Variants in ADD3 observed in about 807,000 individuals in gnomAD.
The protein encoded by ADD3 is adducin 3.
ADD3 carries 25 observed loss-of-function variants against 80.2 expected under a neutral mutation model. That is an observed-to-expected ratio of 0.31 (90% confidence interval 0.23 to 0.44). ADD3 has a LOEUF of 0.44. Ranked by LOEUF, ADD3 falls within the 20% of genes least tolerant of loss-of-function variation. ADD3 has a pLI of 1.00. For synonymous variants in ADD3, 284 were observed against 289.6 expected (o/e 0.98, Z 0.20); for missense variants, 829 against 847.5 (o/e 0.98, Z 0.27).
At chr10:110,041,152 C>A (rs1856310391) in intron 1 of ADD3, among the ~76,000 whole-genome samples, 1 of 152,140 alleles carries the variant, frequency 6.6e-6, no homozygotes, top group Non-Finnish European at 1.5e-5. Context: ...GAACAGCAGA[C>A]CACAGCAGGA....
intron 1 of ADD3, among the ~76,000 whole-genome samples, chr10:110,072,107 G>A (rs911719571): frequency 5.3e-5 from 8 of 152,150 alleles, no homozygotes; most frequent in Non-Finnish European, 1.0e-4. Context: ...TGTCACCCAG[G>A]CTGGAGCGCA....
At position 110,116,398 on chromosome 10, in the gene ADD3, T is replaced by A; in HGVS notation, c.474T>A (p.Asn158Lys). The A allele has an allele frequency of 6.2e-7, 1 of 1,613,800 alleles. No homozygotes were observed. The highest frequency in any genetic ancestry group is 8.5e-7 in the Non-Finnish European group (1 of 1,179,912). Residue 158 changes from asparagine (N) to lysine (K), a missense_variant, in exon 4 of 15, where the codon AAT (asparagine) becomes AAA (lysine). Coordinates refer to ENST00000356080, the MANE Select transcript of ADD3 (RefSeq NM_016824.5). ...VDLFGWAHLA[N>K]TYISVRISKE... ...TGTTTGGATGGGCACACCTGGCAAATACCTATATCTCAGTGAGTTCTTCAG... is the reference window on the plus strand; with the variant it reads ...TGTTTGGATGGGCACACCTGGCAAAAACCTATATCTCAGTGAGTTCTTCAG...
At chr10:110,020,170 T>C (rs915293737) in intron 1 of ADD3, among the ~76,000 whole-genome samples, 15 of 152,226 alleles carry the variant, frequency 9.9e-5, no homozygotes, top group Non-Finnish European at 2.9e-5. Context: ...GTGCATCCTT[T>C]ATTCATTTAT....
At chr10:110,079,815 G>A (rs1358065138) in intron 1 of ADD3, among the ~76,000 whole-genome samples, 29 of 152,084 alleles carry the variant, frequency 1.9e-4, no homozygotes, top group Admixed American at 7.2e-4. Flanking sequence ...TGCTGGGATT[G>A]CAGGCGTGAG....
chr10:110,020,281 A>T (rs1853518933), intron 1 of ADD3, among the ~76,000 whole-genome samples: 1 of 152,198 alleles, frequency 6.6e-6, no homozygotes, highest in South Asian at 2.1e-4. Context: ...TCCTGCCCTA[A>T]TGCAGTTTAT....
intron 4 of ADD3, 80 bp downstream of exon 4, chr10:110,116,490 A>T (rs1305877564): frequency 6.9e-7 from 1 of 1,445,544 alleles, no homozygotes; most frequent in Non-Finnish European, 9.5e-7. Context: ...TTTACCTGGA[A>T]GTCCAGTTTT....
intron 1 of ADD3, among the ~76,000 whole-genome samples, chr10:110,064,522 GT>G (rs1843668356): frequency 6.6e-6 from 1 of 152,236 alleles, no homozygotes; most frequent in African/African-American, 2.4e-5. Context: ...TACATACTGG[GT>G]TTTTGGATGT....
rs1848714129 is a variant in ADD3, at chr10:110,100,693, C to T, written c.40C>T (p.Pro14Ser). 2.5e-6 allele frequency: 4 copies of T among 1,613,160 alleles called. No individual in the cohort carries two copies. The highest frequency in any genetic ancestry group is 3.4e-6 in the Non-Finnish European group (4 of 1,179,650). Reference protein sequence around the residue: ...DASQGVITTPPPPSMPHKERY... With the variant: ...DASQGVITTPSPPSMPHKERY... ...CAGCCAAGGCGTGATTACCACTCCT[C>T]CTCCTCCCAGCATGCCTCACAAAGA... Residue 14 changes from proline to serine, a missense_variant, in exon 2 of 15, where the codon CCT becomes TCT. Transcript: ENST00000356080.
At chr10:110,071,106 A>G (rs1844645458) in intron 1 of ADD3, among the ~76,000 whole-genome samples, 1 of 152,012 alleles carries the variant, frequency 6.6e-6, no homozygotes, top group South Asian at 2.1e-4. Flanking sequence ...AAATTTCCCA[A>G]GATTAAAAAA....
At chr10:110,054,427 A>G in intron 1 of ADD3, among the ~76,000 whole-genome samples, 1 of 143,866 alleles carries the variant, frequency 7.0e-6, no homozygotes, top group East Asian at 2.1e-4. Context: ...CTTGGGAGAA[A>G]GCCAGTTTTC....
intron 11 of ADD3, among the ~76,000 whole-genome samples, 190 bp from the exon 12 acceptor site, chr10:110,126,227 A>T (rs1055770256): frequency 4.6e-5 from 7 of 152,232 alleles, no homozygotes; most frequent in Non-Finnish European, 8.8e-5. Flanking sequence ...GAAAGGAAAT[A>T]ACTTGCCATA....
chr10:110,025,807 G>T (rs931408788), intron 1 of ADD3, among the ~76,000 whole-genome samples: 1 of 152,072 alleles, frequency 6.6e-6, no homozygotes, highest in Non-Finnish European at 1.5e-5. Flanking sequence ...GGGGTAAGGG[G>T]TTTTGTCAGA....
intron 1 of ADD3, among the ~76,000 whole-genome samples, chr10:110,029,309 T>C (rs191142312): frequency 8.6e-4 from 131 of 152,346 alleles, no homozygotes; most frequent in African/African-American, 3.0e-3. Flanking sequence ...TTGTAGTAAT[T>C]GGAACTAAGG....
chr10:110,070,318 A>G (rs960909696), intron 1 of ADD3, among the ~76,000 whole-genome samples: 3 of 152,168 alleles, frequency 2.0e-5, no homozygotes, highest in African/African-American at 4.8e-5. Flanking sequence ...TACATTTTTT[A>G]CCATGATACC....
intron 1 of ADD3, among the ~76,000 whole-genome samples, chr10:110,068,756 G>A (rs1003792884): frequency 6.6e-6 from 1 of 152,106 alleles, no homozygotes. Flanking sequence ...TACAGCCCTT[G>A]CTTTATATAA....
In ADD3 at chr10:110,124,186, G is replaced by A. The variant is rs1275936188; in HGVS notation, c.1313G>A (p.Arg438Lys). Residue 438 changes from arginine (R) to lysine (K), a missense_variant, in exon 10 of 15, where the codon AGA (arginine) becomes AAA (lysine). Transcript: ENST00000356080. ...CAGAGGCAACAGCGTGAAAAAACAA[G>A]ATGGCTGAACTCACCAAATACTTAC... is the stretch of plus-strand genomic sequence containing the variant. ...MAQRQQREKTRWLNSPNTYMK... is the reference protein window; with the variant it reads ...MAQRQQREKTKWLNSPNTYMK... The A allele has an allele frequency of 3.1e-6, 5 of 1,614,146 alleles. No individual in the cohort carries two copies. The highest frequency in any genetic ancestry group is 3.4e-6 in the Non-Finnish European group (4 of 1,180,004).
chr10:110,007,559 G>T (rs1851748490), upstream of ADD3, among the ~76,000 whole-genome samples: 1 of 152,180 alleles, frequency 6.6e-6, no homozygotes, highest in African/African-American at 2.4e-5. Flanking sequence ...TTCTATCGGG[G>T]TCGTTTCCCC....
intron 1 of ADD3, chr10:110,016,592 C>T (rs1325671311): frequency 6.6e-6 from 1 of 152,204 alleles, no homozygotes; most frequent in Non-Finnish European, 1.5e-5. Context: ...GGCTTAGAAT[C>T]AGCAAACAAA....
intron 1 of ADD3, among the ~76,000 whole-genome samples, chr10:110,071,975 T>A (rs1844774924): frequency 6.6e-6 from 1 of 152,232 alleles, no homozygotes; most frequent in Non-Finnish European, 1.5e-5. Context: ...TCTTCCTTTT[T>A]AAATCCTGGA....
Sources: gnomAD v4.1 joint callset for allele counts (sites outside exome capture counted in the v4.1 genomes callset) on GRCh38, gnomAD v4.1.1 for gene constraint, MANE v1.5 for transcripts, NCBI Gene and HGNC (gene_info 2026-07-23, HGNC 2026-07-21) for gene names.